Variants in CADPS2 observed in about 807,000 individuals in gnomAD.
CADPS2 encodes calcium dependent secretion activator 2.
CADPS2 carries 93 observed loss-of-function variants against 172.5 expected under a neutral mutation model. The observed-to-expected ratio is 0.54, with a 90% CI of 0.46 to 0.64. The LOEUF is 0.64. Ranked by LOEUF, CADPS2 falls within the 30% of genes least tolerant of loss-of-function variation. The pLI, the probability that CADPS2 is intolerant of heterozygous loss-of-function variation, is 0.00. For missense variants in CADPS2, 1,420 were observed against 1,565.9 expected (o/e 0.91, Z 1.57); for synonymous variants, 546 against 555.2 (o/e 0.98, Z 0.23).
At chr7:122,687,162 G>T (rs1201957876) in intron 2 of CADPS2, among the ~76,000 whole-genome samples, 1 of 152,100 alleles carries the variant, frequency 6.6e-6, no homozygotes, top group Non-Finnish European at 1.5e-5. Context: ...CTTCCTAAAT[G>T]GAAACATCCA....
intron 1 of CADPS2, among the ~76,000 whole-genome samples, chr7:122,789,682 G>A (rs1192189756): frequency 2.0e-5 from 3 of 152,132 alleles, no homozygotes; most frequent in Non-Finnish European, 4.4e-5. Context: ...GCTTTCAAAA[G>A]TTATTTGTAG....
At chr7:122,687,155 C>T (rs186200522) in intron 2 of CADPS2, among the ~76,000 whole-genome samples, 174 of 152,300 alleles carry the variant, frequency 1.1e-3, no homozygotes, top group African/African-American at 3.7e-3. Context: ...ATCAGTACTT[C>T]CTAAATGGAA....
rs988744863 is a variant in CADPS2, at chr7:122,681,494, T to C, written c.454-17925A>G. ...ACATTTCTGAAGCAAGCGTCTTCGA[T>C]GCCTATGTGCTTCCCAAGCTGTATG... On this transcript the variant is annotated intron_variant, in intron 2 of 29. Transcript: ENST00000449022. The C allele has an allele frequency of 2.0e-6, 3 of 1,479,226 alleles. No individual in the cohort carries two copies. The East Asian group carries it at 6.8e-5, about 33-fold the overall frequency. 91.6% of individuals were successfully genotyped at this position (1,479,226 alleles called of 1,614,324 possible). A position where few individuals can be genotyped will look rare whatever the true frequency, so the allele number is the denominator to read the frequency against.
At chr7:122,595,739 G>A (rs957793042) in intron 6 of CADPS2, among the ~76,000 whole-genome samples, 1 of 151,988 alleles carries the variant, frequency 6.6e-6, no homozygotes, top group East Asian at 1.9e-4. Context: ...GAAATAAAGA[G>A]AATTTCCAAC....
Position 122,490,273 on chromosome 7 carries a change from C to G in CADPS2, c.1660G>C (p.Gly554Arg), listed in dbSNP as rs921090983. ...DYTDPHPGLQ[G>R]GCMFFNAVKE... ...ACAGCATTAAAGAACATACAACCAC[C>G]CTGAAGGCCTGTGGAGGAAACAAAA... Residue 554 changes from glycine to arginine, a missense_variant, in exon 11 of 30, where the codon GGT (glycine) becomes CGT (arginine). Coordinates refer to ENST00000449022, the MANE Select transcript of CADPS2 (RefSeq NM_017954.11). 6.2e-7 allele frequency: 1 copy of G among 1,612,598 alleles called. No individual in the cohort carries two copies. The highest frequency in any genetic ancestry group is 1.3e-5 in the African/African-American group (1 of 74,946).
At chr7:122,494,927 C>T (rs1458543962) in intron 9 of CADPS2, among the ~76,000 whole-genome samples, 1 of 150,452 alleles carries the variant, frequency 6.6e-6, no homozygotes, top group Non-Finnish European at 1.5e-5. Flanking sequence ...TTTCAGTTTC[C>T]TTGTGTTAAA....
intron 2 of CADPS2, among the ~76,000 whole-genome samples, chr7:122,690,186 G>C (rs1272718626): frequency 6.6e-6 from 1 of 152,164 alleles, no homozygotes; most frequent in African/African-American, 2.4e-5. Context: ...ATACTAACCA[G>C]GGTAAATCAC....
At chr7:122,465,253 C>T (rs1303881643) in intron 14 of CADPS2, among the ~76,000 whole-genome samples, 1 of 152,120 alleles carries the variant, frequency 6.6e-6, no homozygotes, top group East Asian at 1.9e-4. Context: ...TCTACCATTT[C>T]CCAGAAAATC....
chr7:122,404,518 T>C (rs980753746), intron 20 of CADPS2, among the ~76,000 whole-genome samples: 10 of 152,194 alleles, frequency 6.6e-5, no homozygotes, highest in African/African-American at 2.4e-4. Context: ...AGTAATGCGA[T>C]TGCTGGGTCA....
chr7:122,847,626 C>A (rs1383806520), intron 1 of CADPS2, among the ~76,000 whole-genome samples: 1 of 151,724 alleles, frequency 6.6e-6, no homozygotes, highest in Non-Finnish European at 1.5e-5. Context: ...TCATTAACAA[C>A]AGTTCTATGG....
At chr7:122,725,444 G>C (rs2090984357) in intron 2 of CADPS2, among the ~76,000 whole-genome samples, 1 of 151,810 alleles carries the variant, frequency 6.6e-6, no homozygotes, top group Admixed American at 6.6e-5. Flanking sequence ...GTGTAGTTGT[G>C]TTATATCATG....
intron 3 of CADPS2, among the ~76,000 whole-genome samples, chr7:122,644,379 TC>T (rs2078068866): frequency 1.0e-5 from 1 of 98,054 alleles, no homozygotes; most frequent in Non-Finnish European, 2.8e-5. Context: ...AATCTCCAAA[TC>T]TTCTTGGAAG....
At chr7:122,498,945 C>G (rs967417047) in intron 9 of CADPS2, among the ~76,000 whole-genome samples, 2 of 152,118 alleles carry the variant, frequency 1.3e-5, no homozygotes, top group Non-Finnish European at 2.9e-5. Flanking sequence ...CCTACAAAGC[C>G]TAGCTTAAGG....
chr7:122,674,336 A>T (rs1319274303), intron 2 of CADPS2, among the ~76,000 whole-genome samples: 4 of 152,202 alleles, frequency 2.6e-5, no homozygotes, highest in Non-Finnish European at 5.9e-5. Context: ...ATCGAGGCTG[A>T]GGAGGCACCA....
intron 29 of CADPS2, among the ~76,000 whole-genome samples, chr7:122,321,693 T>A (rs139731373): frequency 6.6e-6 from 1 of 152,194 alleles, no homozygotes; most frequent in Admixed American, 6.5e-5. Flanking sequence ...TCGGCCAGAC[T>A]GATCTCAAAC....
At chr7:122,700,961 A>T (rs1243738750) in intron 2 of CADPS2, among the ~76,000 whole-genome samples, 2 of 152,188 alleles carry the variant, frequency 1.3e-5, no homozygotes, top group Non-Finnish European at 2.9e-5. Context: ...TCCAGTGAGT[A>T]GCTTTGGAAA....
intron 1 of CADPS2, among the ~76,000 whole-genome samples, chr7:122,878,456 T>C (rs1821897906): frequency 6.6e-6 from 1 of 151,546 alleles, no homozygotes; most frequent in African/African-American, 2.4e-5. Flanking sequence ...ATCGAGACCA[T>C]GGTGAAACCC....
chr7:122,817,798 G>A (rs199982377), intron 1 of CADPS2, among the ~76,000 whole-genome samples: 24 of 151,028 alleles, frequency 1.6e-4, no homozygotes, highest in African/African-American at 2.7e-4. Flanking sequence ...GTATCTCTGC[G>A]CCCCAATCCC....
Position 122,388,479 on chromosome 7 carries a change from C to T in CADPS2, c.3164+104G>A, listed in dbSNP as rs1200315995. 1.2e-5 allele frequency: 14 copies of T among 1,123,858 alleles called. No individual in the cohort carries two copies. In the East Asian group the frequency reaches 2.8e-4, roughly 23 times the overall value. The allele number at this position is 1,123,858 out of a possible 1,614,324, so 69.6% of individuals were successfully genotyped here. On this transcript the variant is annotated intron_variant, in intron 23 of 29. Transcript: ENST00000449022. ...CTCATTAAATGTTGGAATAGTGGTG[C>T]ATAATGAAACCTTTGCTGTGACAAT...
Sources: allele counts gnomAD v4.1 joint callset (sites outside exome capture counted in the v4.1 genomes callset), GRCh38; gene constraint gnomAD v4.1.1; transcripts MANE v1.5; gene names NCBI Gene and HGNC (gene_info 2026-07-23, HGNC 2026-07-21).